Variants in KDM1B observed in about 807,000 individuals in gnomAD.
KDM1B encodes the protein lysine demethylase 1B.
In KDM1B, 63 loss-of-function variants were observed where a neutral mutation model predicts 107.4. That is an observed-to-expected ratio of 0.59 (90% confidence interval 0.48 to 0.72). The LOEUF is 0.72. Ranked by LOEUF, KDM1B falls within the 30% of genes least tolerant of loss-of-function variation. The pLI is 0.00. For missense variants in KDM1B, 749 were observed against 1,020.8 expected, an observed-to-expected ratio of 0.73 and a Z score of 3.63; for synonymous variants, 363 against 363.9, an observed-to-expected ratio of 1.00 and a Z score of 0.03.
At chr6:18,178,337 T>C (rs1052761839) in intron 7 of KDM1B, among the ~76,000 whole-genome samples, 5 of 151,900 alleles carry the variant, frequency 3.3e-5, no homozygotes, top group Admixed American at 3.3e-4. Context: ...CTGCCTGCCT[T>C]GGCCTTCCAA....
At position 18,197,252 on chromosome 6, in the gene KDM1B, AG is replaced by A; in HGVS notation, c.1146+20del. On this transcript the variant is annotated intron_variant, in intron 11 of 21. Coordinates refer to ENST00000650836, the MANE Select transcript of KDM1B (RefSeq NM_001364614.2). This position sits in a 1 kb window ranked among gnomAD's most constrained non-coding sequence, Gnocchi z 4.5. Reference sequence around the variant, plus strand: ...CCACAATGTAGGTGATTATAGCTTTAGCGATAGCCTTGCCATTGATCAGGAC... The same window carrying A: ...CCACAATGTAGGTGATTATAGCTTTACGATAGCCTTGCCATTGATCAGGAC... 2.5e-6 allele frequency: 4 copies of A among 1,604,674 alleles called. No homozygotes were observed. Among genetic ancestry groups the A allele is most frequent in the Non-Finnish European group, 3.4e-6 (4 of 1,173,582 alleles).
At chr6:18,190,816 C>T (rs2150932427) in intron 9 of KDM1B, among the ~76,000 whole-genome samples, 1 of 151,768 alleles carries the variant, frequency 6.6e-6, no homozygotes, top group African/African-American at 2.4e-5. Context: ...ATGAGAATCA[C>T]TTGGACCCAG....
chr6:18,163,349 T>C (rs900934007), intron 5 of KDM1B, among the ~76,000 whole-genome samples: 2 of 152,176 alleles, frequency 1.3e-5, no homozygotes, highest in Non-Finnish European at 2.9e-5. Context: ...CGTGAGCCAC[T>C]GCACCCAGCG....
Position 18,213,985 on chromosome 6 carries a change from A to T in KDM1B, c.2109+204A>T, listed in dbSNP as rs1389755882. 1.3e-5 allele frequency among the ~76,000 whole-genome samples: 2 copies of T among 152,142 alleles called. No individual in the cohort carries two copies. The highest frequency in any genetic ancestry group is 2.9e-5 in the Non-Finnish European group (2 of 68,014). On this transcript the variant is annotated intron_variant, in intron 19 of 21. Coordinates refer to ENST00000650836, the MANE Select transcript of KDM1B (RefSeq NM_001364614.2). The surrounding 1 kb of genome is among the most constrained non-coding windows in gnomAD (Gnocchi z 5.9). ...TTTGCCATGTCTTCTTAAAGTCCTC[A>T]TGTTGCTCCCTGGGACATGAATTGG...
chr6:18,191,449 TC>T lies in KDM1B; in HGVS notation c.969+69del. 6.9e-7 allele frequency: 1 copy of T among 1,443,036 alleles called. No individual in the cohort carries two copies. Among genetic ancestry groups the T allele is most frequent in the Non-Finnish European group, 9.3e-7 (1 of 1,071,690 alleles). The allele number at this position is 1,443,036 out of a possible 1,614,324, so 89.4% of individuals were successfully genotyped here. A position where few individuals can be genotyped will look rare whatever the true frequency, so the allele number is the denominator to read the frequency against. ...ACCATGTTGAAAAGGAGGGGATACT[TC>T]ATCTGGGGATGGAACCTTTTATGCC... On this transcript the variant is annotated intron_variant, in intron 10 of 21. Transcript: ENST00000650836. The surrounding 1 kb of genome is among the most constrained non-coding windows in gnomAD (Gnocchi z 5.1).
intron 14 of KDM1B, among the ~76,000 whole-genome samples, chr6:18,202,579 C>G (rs942749388): frequency 6.6e-6 from 1 of 152,062 alleles, no homozygotes; most frequent in Non-Finnish European, 1.5e-5. Context: ...ATTTTGTGAC[C>G]TGAATGTATT....
rs1179996334 is a variant in KDM1B at position 18,209,394 on chromosome 6, C to T, written c.1866+1188C>T. ...TATTTCATAGTCCTTGATTTTCATA[C>T]AGAAGTAAAGGACTGCATGTCACAT... On this transcript the variant is annotated intron_variant, in intron 17 of 21. Coordinates refer to ENST00000650836, the MANE Select transcript of KDM1B (RefSeq NM_001364614.2). The surrounding 1 kb of genome is among the most constrained non-coding windows in gnomAD (Gnocchi z 4.3). Among the ~76,000 whole-genome samples the T allele has an allele frequency of 6.6e-6, 1 of 152,158 alleles. No individual in the cohort carries two copies. Among genetic ancestry groups the T allele is most frequent in the East Asian group, 1.9e-4 (1 of 5,204 alleles).
At chr6:18,179,789 A>AGAT (rs2150871905) in intron 7 of KDM1B, among the ~76,000 whole-genome samples, 1 of 140,650 alleles carries the variant, frequency 7.1e-6, no homozygotes, top group South Asian at 2.4e-4. Flanking sequence ...GCCTGGGATT[A>AGAT]GATTCCTGAA....
At chr6:18,178,966 A>G (rs1786240792) in intron 7 of KDM1B, among the ~76,000 whole-genome samples, 2 of 152,210 alleles carry the variant, frequency 1.3e-5, no homozygotes, top group Admixed American at 6.5e-5. Flanking sequence ...AGAAGTGATG[A>G]GAGCAGACAA....
chr6:18,219,356 T>C (rs891021983), intron 21 of KDM1B, among the ~76,000 whole-genome samples: 1 of 151,526 alleles, frequency 6.6e-6, no homozygotes, highest in Admixed American at 6.8e-5. Context: ...GAGTTTTTTC[T>C]CTTTCTTTCT....
chr6:18,197,604 CG>C lies in KDM1B; in HGVS notation c.1168del (p.Ala390LeufsTer6). The C allele has an allele frequency of 6.2e-7, 1 of 1,613,634 alleles. No individual in the cohort carries two copies. The highest frequency in any genetic ancestry group is 8.5e-7 in the Non-Finnish European group (1 of 1,179,634). ...TTTTTAAGAAATCAGTCATCATTAT[CG>C]GGGCTGGTCCAGCAGGATTAGCAGC... The part of the protein sequence containing the change: ...DYHNKSVIII[G>X]AGPAGLAAAR... On this transcript the variant is annotated frameshift_variant, in exon 12 of 22. Transcript: ENST00000650836. LOFTEE classifies it high-confidence loss of function. The surrounding 1 kb of genome is among the most constrained non-coding windows in gnomAD (Gnocchi z 4.5).
intron 7 of KDM1B, among the ~76,000 whole-genome samples, chr6:18,174,453 G>A (rs186247440): frequency 4.1e-4 from 62 of 152,194 alleles, no homozygotes; most frequent in African/African-American, 1.3e-3. Context: ...TGGCTGATAC[G>A]TATTTATTTT....
At chr6:18,199,428 G>A (rs1040907589) in intron 12 of KDM1B, among the ~76,000 whole-genome samples, 3 of 152,154 alleles carry the variant, frequency 2.0e-5, no homozygotes, top group Admixed American at 6.5e-5. Flanking sequence ...GGTTAACTTG[G>A]GGAACCTCTC....
Position 18,159,946 on chromosome 6 carries a change from T to C in KDM1B, c.51T>C (p.Ser17=), listed in dbSNP as rs1784865076. 1 of 1,610,168 alleles carries C rather than the reference T, an allele frequency of 6.2e-7. No homozygotes were observed. Among genetic ancestry groups the C allele is most frequent in the South Asian group, 1.1e-5 (1 of 89,774 alleles). ...RTKKKASFDH[S]PDSLPLRSSG... The stretch of plus-strand genomic sequence containing the variant: ...AGAAAAAAGCATCTTTTGATCATTC[T>C]CCGGATAGCCTTCCTTTGAGGAGCT... Residue 17 remains serine (S), a synonymous_variant, in exon 3 of 22, where the codon TCT becomes TCC. Coordinates refer to ENST00000650836, the MANE Select transcript of KDM1B (RefSeq NM_001364614.2). The surrounding 1 kb of genome is among the most constrained non-coding windows in gnomAD (Gnocchi z 4.5).
intron 21 of KDM1B, among the ~76,000 whole-genome samples, chr6:18,220,756 G>A (rs1228082028): frequency 2.0e-5 from 3 of 151,366 alleles, no homozygotes; most frequent in Non-Finnish European, 4.4e-5. Context: ...GCTTTGATGC[G>A]ATTATTACCT....
chr6:18,212,517 A>G lies in KDM1B; in HGVS notation c.1896A>G (p.Leu632=). The change falls in exon 18 of 22, where the codon CTA becomes CTG. Residue 632 remains leucine, a synonymous_variant. Coordinates refer to ENST00000650836, the MANE Select transcript of KDM1B (RefSeq NM_001364614.2). This position sits in a 1 kb window ranked among gnomAD's most constrained non-coding sequence, Gnocchi z 5.2. ...TAGTCACTGTACCACTGGCTTTACT[A>G]CAGAAAGGTGCCATTCAGTTTAATC... ...KVLVTVPLAL[L]QKGAIQFNPP... is the part of the protein sequence containing the mutation. The G allele has an allele frequency of 1.2e-6, 2 of 1,613,892 alleles. No individual in the cohort carries two copies. Among genetic ancestry groups the G allele is most frequent in the Non-Finnish European group, 1.7e-6 (2 of 1,179,748 alleles).
In KDM1B at chr6:18,205,861, G is replaced by A. The variant is rs111742658; in HGVS notation, c.1659+197G>A. 2.0e-5 allele frequency among the ~76,000 whole-genome samples: 3 copies of A among 152,074 alleles called. No homozygotes were observed. Among genetic ancestry groups the A allele is most frequent in the African/African-American group, 4.8e-5 (2 of 41,396 alleles). On this transcript the variant is annotated intron_variant, in intron 15 of 21. Transcript: ENST00000650836. This position sits in a 1 kb window ranked among gnomAD's most constrained non-coding sequence, Gnocchi z 5.7. ...CAAAAAATTAGCCAGGCCTGGTGGC[G>A]CATACCTGTAGTCCCAGCTACTCGG...
Position 18,214,602 on chromosome 6 carries a change from AT to A in KDM1B, c.2110-402del, listed in dbSNP as rs1789082313. ...ATAAGGGACAGCCAGAAATAGTGAC[AT>A]TTAACTTGTGAGAGTGAGGCTCTTG... On this transcript the variant is annotated intron_variant, in intron 19 of 21. Transcript: ENST00000650836. The surrounding 1 kb of genome is among the most constrained non-coding windows in gnomAD (Gnocchi z 4.4). Among the ~76,000 whole-genome samples, 1 of 152,134 alleles carries A rather than the reference AT, an allele frequency of 6.6e-6. No individual in the cohort carries two copies. The highest frequency in any genetic ancestry group is 6.5e-5 in the Admixed American group (1 of 15,272).
At chr6:18,217,623 C>A in intron 20 of KDM1B, 110 bp from the exon 21 acceptor site, 1 of 791,044 alleles carries the variant, frequency 1.3e-6, no homozygotes, top group Non-Finnish European at 2.0e-6. Context: ...GTGATCCACC[C>A]GCCTTAGCCT....
Sources: gnomAD v4.1 joint callset for allele counts (sites outside exome capture counted in the v4.1 genomes callset) on GRCh38, gnomAD v4.1.1 for gene constraint, Gnocchi (gnomAD v3.1) non-coding constraint, MANE v1.5 for transcripts, NCBI Gene and HGNC (gene_info 2026-07-23, HGNC 2026-07-21) for gene names.